Variants in GNB1 observed in about 807,000 individuals in gnomAD.
GNB1 encodes the protein G protein subunit beta 1.
GNB1 carries 2 observed loss-of-function variants against 42.9 expected under a neutral mutation model. The observed-to-expected ratio is 0.05, with a 90% confidence interval of 0.02 to 0.15. GNB1 has a LOEUF of 0.15. Ranked by LOEUF, GNB1 falls within the 10% of genes least tolerant of loss-of-function variation. GNB1 has a pLI of 1.00. For missense variants in GNB1, 193 were observed against 462.2 expected, an observed-to-expected ratio of 0.42 and a Z score of 5.34; for synonymous variants, 183 against 174.7, an observed-to-expected ratio of 1.05 and a Z score of -0.38.
intron 1 of GNB1, among the ~76,000 whole-genome samples, chr1:1,862,059 T>TC (rs1648660921): frequency 6.6e-6 from 1 of 151,806 alleles, no homozygotes; most frequent in East Asian, 1.9e-4. Flanking sequence ...AGAGTGAGAC[T>TC]CCATCTCAAA....
At chr1:1,820,397 T>G (rs917272547) in intron 3 of GNB1, among the ~76,000 whole-genome samples, 4 of 149,062 alleles carry the variant, frequency 2.7e-5, no homozygotes, top group Admixed American at 2.7e-4. Flanking sequence ...ATACTGAGAT[T>G]ATTATAAATA....
chr1:1,836,250 G>C (rs892566056), intron 2 of GNB1, among the ~76,000 whole-genome samples: 1 of 152,062 alleles, frequency 6.6e-6, no homozygotes, highest in Non-Finnish European at 1.5e-5. Flanking sequence ...ATGGGGGCGT[G>C]GGCTGTAGTC....
chr1:1,840,305 G>A lies in GNB1; in HGVS notation c.-95-1067C>T, dbSNP rs577528451. Among the ~76,000 whole-genome samples, 3 of 151,466 alleles carry A rather than the reference G, an allele frequency of 2.0e-5. No homozygotes were observed. In the East Asian group the frequency reaches 5.9e-4, roughly 30 times the overall value. On this transcript the variant is annotated intron_variant, in intron 1 of 11. Coordinates refer to ENST00000378609, the MANE Select transcript of GNB1 (RefSeq NM_002074.5). Reference sequence around the variant, plus strand: ...GCACTTTGGGAGACCAAGTTGGGCGGATCACAAGGTAAAGAGTTCGAGACC... The same window carrying A: ...GCACTTTGGGAGACCAAGTTGGGCGAATCACAAGGTAAAGAGTTCGAGACC...
intron 7 of GNB1, among the ~76,000 whole-genome samples, chr1:1,796,501 G>C (rs1256994589): frequency 6.6e-6 from 1 of 152,264 alleles, no homozygotes; most frequent in Non-Finnish European, 1.5e-5. Flanking sequence ...GGGAGGAGCA[G>C]AGCTGTCTGT....
intron 1 of GNB1, among the ~76,000 whole-genome samples, chr1:1,874,175 A>G (rs922511620): frequency 3.9e-5 from 6 of 152,048 alleles, no homozygotes; most frequent in Admixed American, 3.9e-4. Flanking sequence ...AAGCATAAAC[A>G]CAACGCGCCT....
intron 1 of GNB1, among the ~76,000 whole-genome samples, chr1:1,879,574 A>G (rs982066080): frequency 3.3e-5 from 5 of 151,894 alleles, no homozygotes; most frequent in Non-Finnish European, 7.4e-5. Context: ...GCGTGGTGGC[A>G]GGCACCTGTA....
intron 3 of GNB1, chr1:1,818,272 T>A (rs1392542586): frequency 7.8e-6 from 1 of 128,256 alleles, no homozygotes; most frequent in Non-Finnish European, 1.5e-5. Context: ...CCATCTAGGG[T>A]CAGGAAGGCT....
intron 2 of GNB1, among the ~76,000 whole-genome samples, chr1:1,838,659 T>C (rs1048330021): frequency 3.3e-5 from 5 of 151,546 alleles, no homozygotes; most frequent in Non-Finnish European, 4.4e-5. Flanking sequence ...TTAGCCAGGA[T>C]GGTCTCGATC....
chr1:1,841,073 GT>G (rs1647228615), intron 1 of GNB1, among the ~76,000 whole-genome samples: 1 of 151,886 alleles, frequency 6.6e-6, no homozygotes, highest in African/African-American at 2.4e-5. Flanking sequence ...TATATTTTTA[GT>G]AGAGACGGGT....
At chr1:1,789,530 T>C (rs936604198) in intron 9 of GNB1, among the ~76,000 whole-genome samples, 1 of 151,984 alleles carries the variant, frequency 6.6e-6, no homozygotes, top group East Asian at 1.9e-4. Context: ...CCATCTATAC[T>C]AAAAATACAA....
rs1650065556 is a variant in GNB1, at chr1:1,884,958, C to T, written c.-96+5862G>A. ...TGGGCCTCCCAAAGTGCTGGGATTACAGGCATGAGCCACCGTGCCCGGCCA... is the reference window on the plus strand; with the variant it reads ...TGGGCCTCCCAAAGTGCTGGGATTATAGGCATGAGCCACCGTGCCCGGCCA... On this transcript the variant is annotated intron_variant, in intron 1 of 11. Transcript: ENST00000378609. 2.6e-5 allele frequency among the ~76,000 whole-genome samples: 4 copies of T among 151,350 alleles called. 1 individual carries two copies. The South Asian group carries it at 8.5e-4, about 32-fold the overall frequency.
At chr1:1,799,340 CCAGTTTTTTTATTT>C (rs1646592920) in intron 7 of GNB1, among the ~76,000 whole-genome samples, 4 of 152,098 alleles carry the variant, frequency 2.6e-5, no homozygotes, top group Non-Finnish European at 5.9e-5. Flanking sequence ...CCTACTAATA[CCAGTTTTTTTATTT>C]TCTTGAGTAT....
intron 7 of GNB1, among the ~76,000 whole-genome samples, chr1:1,801,092 G>A (rs745930024): frequency 1.2e-4 from 18 of 152,358 alleles, no homozygotes; most frequent in Non-Finnish European, 2.5e-4. Flanking sequence ...GTGCAGTGGC[G>A]TGATCTCAGC....
chr1:1,842,242 A>T (rs369985616), intron 1 of GNB1, among the ~76,000 whole-genome samples: 2 of 152,208 alleles, frequency 1.3e-5, no homozygotes, highest in East Asian at 3.8e-4. Flanking sequence ...CATCCTGGCT[A>T]ACACGGTGAA....
At chr1:1,791,318 T>C (rs948313448) in intron 8 of GNB1, among the ~76,000 whole-genome samples, 2 of 152,084 alleles carry the variant, frequency 1.3e-5, no homozygotes, top group African/African-American at 4.8e-5. Flanking sequence ...ATTACAGGCA[T>C]GCGCCACCAT....
chr1:1,847,858 G>A (rs1443217179), intron 1 of GNB1, among the ~76,000 whole-genome samples: 2 of 152,166 alleles, frequency 1.3e-5, no homozygotes, highest in East Asian at 3.9e-4. Context: ...CACCACACCA[G>A]AGGAATTAAC....
At chr1:1,853,094 C>A (rs1570717012) in intron 1 of GNB1, among the ~76,000 whole-genome samples, 1 of 152,242 alleles carries the variant, frequency 6.6e-6, no homozygotes, top group African/African-American at 2.4e-5. Context: ...CCCTTCCATC[C>A]CTTTCCCCTC....
At chr1:1,857,157 T>C (rs529682090) in intron 1 of GNB1, among the ~76,000 whole-genome samples, 1 of 152,326 alleles carries the variant, frequency 6.6e-6, no homozygotes, top group South Asian at 2.1e-4. Flanking sequence ...CTGACTTCAC[T>C]TTACCCCCAC....
At chr1:1,859,839 CCT>C (rs993009468) in intron 1 of GNB1, among the ~76,000 whole-genome samples, 14 of 149,476 alleles carry the variant, frequency 9.4e-5, no homozygotes, top group African/African-American at 3.5e-4. Context: ...ACGGTAAACC[CCT>C]GTTCTCTACT....
Sources: allele counts gnomAD v4.1 joint callset (sites outside exome capture counted in the v4.1 genomes callset), GRCh38; gene constraint gnomAD v4.1.1; transcripts MANE v1.5; gene names NCBI Gene and HGNC (gene_info 2026-07-23, HGNC 2026-07-21).